Variants in PROX1 observed in about 807,000 individuals in gnomAD.
The protein encoded by PROX1 is prospero homeobox 1, also known as prospero homeobox protein 1.
A neutral mutation model predicts 58.8 loss-of-function variants in PROX1; 7 were observed. The observed-to-expected ratio is 0.12, with a 90% CI of 0.07 to 0.22. PROX1 has a LOEUF of 0.22. Among genes scored for constraint, PROX1 ranks in the 10% least tolerant of loss-of-function variants. The pLI, the probability that PROX1 is intolerant of heterozygous loss-of-function variation, is 1.00. For synonymous variants in PROX1, 350 were observed against 358.3 expected (o/e 0.98, Z 0.26); for missense variants, 675 against 927.8 (o/e 0.73, Z 3.54).
At chr1:214,024,567 T>C (rs1664389932) in intron 4 of PROX1, among the ~76,000 whole-genome samples, 1 of 152,144 alleles carries the variant, frequency 6.6e-6, no homozygotes, top group African/African-American at 2.4e-5. Flanking sequence ...GCAATCCCTT[T>C]CTCATCACAA....
chr1:214,037,514 C>A lies in PROX1; in HGVS notation c.*1680C>A, dbSNP rs1664866334. ...GTCATTTATAAATTCTGCTGATGGA[C>A]AGGAATGTATGAACTCAATTATTGT... On this transcript the variant is annotated 3_prime_UTR_variant, in exon 5 of 5. Coordinates refer to ENST00000366958, the MANE Select transcript of PROX1 (RefSeq NM_001270616.2). 6.6e-6 allele frequency: 1 copy of A among 152,168 alleles called. No homozygotes were observed. Among genetic ancestry groups the A allele is most frequent in the Admixed American group, 6.5e-5 (1 of 15,280 alleles). 9.4% of individuals were successfully genotyped at this position (152,168 alleles called of 1,614,324 possible).
Position 213,997,560 on chromosome 1 carries a change from A to C in PROX1, c.1025A>C (p.Gln342Pro), listed in dbSNP as rs1354796789. The change falls in exon 2 of 5, where the codon CAA (glutamine) becomes CCA (proline). Residue 342 changes from glutamine (Q) to proline (P), a missense_variant. Gln to Pro is a moderately conservative substitution (Grantham distance 76, BLOSUM62 -1). Coordinates refer to ENST00000366958, the MANE Select transcript of PROX1 (RefSeq NM_001270616.2). The surrounding 1 kb of genome is among the most constrained non-coding windows in gnomAD (Gnocchi z 7.1). ...KERDHGPNSL[Q>P]PEGKHLAETL... ...AGAGACCATGGGCCAAACTCCTTACAACCGGAAGGCAAACATTTGGCTGAG... is the reference window on the plus strand; with the variant it reads ...AGAGACCATGGGCCAAACTCCTTACCACCGGAAGGCAAACATTTGGCTGAG... 2 of 1,614,026 alleles carry C rather than the reference A, an allele frequency of 1.2e-6. No homozygotes were observed. The highest frequency in any genetic ancestry group is 1.7e-6 in the Non-Finnish European group (2 of 1,180,020).
intron 4 of PROX1, chr1:214,029,600 C>A (rs2102772687): frequency 6.6e-6 from 1 of 152,258 alleles, no homozygotes; most frequent in South Asian, 2.1e-4. Flanking sequence ...GTAACTTTCT[C>A]CAATTTTTCA....
intron 4 of PROX1, among the ~76,000 whole-genome samples, chr1:214,013,015 G>C (rs1166726921): frequency 1.3e-5 from 2 of 152,060 alleles, no homozygotes; most frequent in African/African-American, 4.8e-5. Flanking sequence ...TGGAAGCTCA[G>C]CAATGGGGAA....
At chr1:214,031,062 T>TGC (rs1664634890) in intron 4 of PROX1, among the ~76,000 whole-genome samples, 1 of 150,412 alleles carries the variant, frequency 6.6e-6, no homozygotes, top group African/African-American at 2.5e-5. Context: ...TGTGTGTGTG[T>TGC]GTGTGCGCGC....
rs1480873089 is a variant in PROX1, at chr1:214,005,207, C to G, written c.1768C>G (p.Leu590Val). 6.2e-7 allele frequency: 1 copy of G among 1,614,078 alleles called. No homozygotes were observed. The highest frequency in any genetic ancestry group is 8.5e-7 in the Non-Finnish European group (1 of 1,179,956). ...ACCCAATCACTTGAAAAAAGCAAAGCTCATGTTTTTTTATACCCGTTATCC... is the reference window on the plus strand; with the variant it reads ...ACCCAATCACTTGAAAAAAGCAAAGGTCATGTTTTTTTATACCCGTTATCC... The part of the protein sequence containing the change: ...LSPNHLKKAK[L>V]MFFYTRYPSS... The change falls in exon 3 of 5, where the codon CTC becomes GTC. Residue 590 changes from leucine (L) to valine (V), a missense_variant. By Grantham distance (32) the Leu-to-Val change is conservative. Transcript: ENST00000366958.
intron 3 of PROX1, among the ~76,000 whole-genome samples, chr1:214,010,437 G>A (rs770738453): frequency 1.3e-5 from 2 of 152,148 alleles, no homozygotes; most frequent in Non-Finnish European, 2.9e-5. Context: ...GAGTCTGGAT[G>A]TTCTCATGGC....
chr1:214,013,944 T>A (rs749616704), intron 4 of PROX1, among the ~76,000 whole-genome samples: 2 of 152,188 alleles, frequency 1.3e-5, no homozygotes, highest in Non-Finnish European at 2.9e-5. Context: ...ATGCAGTGTG[T>A]CCTGCCCCCT....
At position 214,035,654 on chromosome 1, in the gene PROX1, A is replaced by G. The variant is rs1347839487; in HGVS notation, c.2034A>G (p.Pro678=). ...TTGTCTCCTTGTATCAGCAGGTTCC[A>G]GAGAGATTCCTGGAAGTTGCTCAGA... is the stretch of plus-strand genomic sequence containing the variant. ...HYNKANDFEV[P]ERFLEVAQIT... The change falls in exon 5 of 5, where the codon CCA becomes CCG. Residue 678 remains proline, a synonymous_variant. Coordinates refer to ENST00000366958, the MANE Select transcript of PROX1 (RefSeq NM_001270616.2). 1.2e-6 allele frequency: 2 copies of G among 1,611,510 alleles called. No homozygotes were observed. Among genetic ancestry groups the G allele is most frequent in the South Asian group, 1.1e-5 (1 of 90,456 alleles).
rs1282388020 is a variant in PROX1, at chr1:214,031,087, A to ACG, written c.2029-4560_2029-4559dup. 4.0e-5 allele frequency among the ~76,000 whole-genome samples: 6 copies of ACG among 150,844 alleles called. No homozygotes were observed. The East Asian group carries it at 7.9e-4, about 20-fold the overall frequency. ...TGTGTGCGCGCGCGCGCATTCGCGC[A>ACG]CGCACACACACGCGCAACCCAGCTG... On this transcript the variant is annotated intron_variant, in intron 4 of 4. Coordinates refer to ENST00000366958, the MANE Select transcript of PROX1 (RefSeq NM_001270616.2).
chr1:213,985,790 C>G (rs947580007), upstream of PROX1: 1 of 152,194 alleles, frequency 6.6e-6, no homozygotes, highest in Admixed American at 6.5e-5. Context: ...ATTTTTTTCG[C>G]GTTTGAATCT....
intron 4 of PROX1, among the ~76,000 whole-genome samples, chr1:214,016,368 A>G (rs1249436983): frequency 6.6e-6 from 1 of 152,214 alleles, no homozygotes; most frequent in African/African-American, 2.4e-5. Flanking sequence ...CTTTAAAGAA[A>G]AATGAGGACA....
chr1:214,026,151 A>ATTTG (rs963216157), intron 4 of PROX1, among the ~76,000 whole-genome samples: 5 of 152,144 alleles, frequency 3.3e-5, no homozygotes, highest in African/African-American at 1.2e-4. Flanking sequence ...TTGCTTGCAT[A>ATTTG]TTTGTTTGTT....
chr1:214,016,855 C>A (rs1664115103), intron 4 of PROX1, among the ~76,000 whole-genome samples: 1 of 152,044 alleles, frequency 6.6e-6, no homozygotes, highest in Middle Eastern at 3.2e-3. Context: ...TGAAGCGGGC[C>A]CATTGATTTA....
intron 4 of PROX1, chr1:214,029,806 T>TG (rs1256119962): frequency 1.3e-5 from 2 of 151,862 alleles, no homozygotes; most frequent in Non-Finnish European, 2.9e-5. Context: ...GGGGAGAGGC[T>TG]GGGGGGTGGC....
intron 4 of PROX1, among the ~76,000 whole-genome samples, chr1:214,012,978 T>C (rs1441993444): frequency 2.0e-5 from 3 of 152,164 alleles, no homozygotes; most frequent in Admixed American, 6.6e-5. Flanking sequence ...TGCAGACCAG[T>C]TATAGTGGCT....
intron 3 of PROX1, 89 bp from the exon 4 acceptor site, chr1:214,011,432 C>T (rs772066394): frequency 4.8e-5 from 60 of 1,242,254 alleles, no homozygotes; most frequent in Admixed American, 3.6e-4. Flanking sequence ...AAAGAAGGGA[C>T]GGGAACATTA....
Position 214,039,185 on chromosome 1 carries a change from T to C in PROX1, c.*3351T>C, listed in dbSNP as rs532944137. 1 of 152,236 alleles carries C rather than the reference T, an allele frequency of 6.6e-6. No individual in the cohort carries two copies. Among genetic ancestry groups the C allele is most frequent in the Non-Finnish European group, 1.5e-5 (1 of 68,030 alleles). 9.4% of individuals were successfully genotyped at this position (152,236 alleles called of 1,614,324 possible). The stretch of plus-strand genomic sequence containing the variant: ...AAGAACCTATTTTAGACATTTGTTA[T>C]GTTTTGTGAAAAGAATGTTCTATTT... On this transcript the variant is annotated 3_prime_UTR_variant, in exon 5 of 5. Transcript: ENST00000366958.
At chr1:214,019,580 G>T (rs1185416044) in intron 4 of PROX1, among the ~76,000 whole-genome samples, 1 of 152,152 alleles carries the variant, frequency 6.6e-6, no homozygotes, top group African/African-American at 2.4e-5. Context: ...CCTGCATCCC[G>T]ACCCTCAGGG....
Sources: allele counts gnomAD v4.1 joint callset (sites outside exome capture counted in the v4.1 genomes callset), GRCh38; gene constraint gnomAD v4.1.1; non-coding constraint Gnocchi (gnomAD v3.1); transcripts MANE v1.5; gene names NCBI Gene and HGNC (gene_info 2026-07-23, HGNC 2026-07-21).